Variants in TANC2 observed in about 807,000 individuals in gnomAD.
TANC2 encodes the protein tetratricopeptide repeat, ankyrin repeat and coiled-coil containing 2.
Under a neutral mutation model 210.5 loss-of-function variants are expected in TANC2, and 26 were observed. The observed-to-expected ratio is 0.12, with a 90% confidence interval of 0.09 to 0.17. The LOEUF (loss-of-function observed/expected upper bound fraction) is 0.17. TANC2 is among the 10% of genes least tolerant of loss of function. The probability of loss-of-function intolerance (pLI) is 1.00; values close to 1 mark genes in which losing one functional copy is unlikely to be tolerated. For missense variants in TANC2, 2,129 were observed against 2,608.9 expected, an observed-to-expected ratio of 0.82 and a Z score of 4.01; for synonymous variants, 931 against 967.1, an observed-to-expected ratio of 0.96 and a Z score of 0.69.
intron 14 of TANC2, among the ~76,000 whole-genome samples, chr17:63,358,140 G>A (rs372178689): frequency 6.6e-6 from 1 of 152,208 alleles, no homozygotes; most frequent in African/African-American, 2.4e-5. Flanking sequence ...AAAAGAGTCA[G>A]TAATCTGAGA....
chr17:63,208,231 A>C (rs1055892442), intron 7 of TANC2, among the ~76,000 whole-genome samples: 2 of 152,204 alleles, frequency 1.3e-5, no homozygotes, highest in African/African-American at 4.8e-5. Context: ...TTGGTACAAG[A>C]GTACAAATTT....
chr17:63,214,331 T>G (rs972863086), intron 7 of TANC2, among the ~76,000 whole-genome samples: 2 of 152,150 alleles, frequency 1.3e-5, no homozygotes, highest in Non-Finnish European at 2.9e-5. Context: ...AATCCCTCAG[T>G]CTGAAGCCAG....
exon 26 of TANC2, chr17:63,415,556 G>A (rs897727078): frequency 8.7e-6 from 14 of 1,613,764 alleles, no homozygotes; most frequent in Middle Eastern, 1.6e-4. Flanking sequence ...GCTGCCCAGC[G>A]CTACCAGTAC....
At chr17:63,287,777 C>A in intron 9 of TANC2, among the ~76,000 whole-genome samples, 1 of 151,872 alleles carries the variant, frequency 6.6e-6, no homozygotes, top group East Asian at 1.9e-4. Flanking sequence ...CTAGTCTCAG[C>A]AATTCTCCTG....
At chr17:63,363,181 C>T (rs950684114) in intron 14 of TANC2, among the ~76,000 whole-genome samples, 2 of 152,178 alleles carry the variant, frequency 1.3e-5, no homozygotes, top group Admixed American at 1.3e-4. Flanking sequence ...CTATTCAGAT[C>T]TTTTGCCCAT....
At chr17:63,028,228 A>G (rs968908910) in intron 2 of TANC2, among the ~76,000 whole-genome samples, 1 of 152,158 alleles carries the variant, frequency 6.6e-6, no homozygotes, top group East Asian at 1.9e-4. Context: ...TTGAAGGAAC[A>G]AGTAACATTG....
intron 4 of TANC2, among the ~76,000 whole-genome samples, chr17:63,107,225 AT>A (rs1263861783): frequency 6.6e-6 from 1 of 151,726 alleles, no homozygotes; most frequent in Non-Finnish European, 1.5e-5. Flanking sequence ...AGACAAAGTT[AT>A]CAGAATGTAT....
chr17:63,217,974 T>C (rs535705245), intron 7 of TANC2, among the ~76,000 whole-genome samples: 1 of 151,938 alleles, frequency 6.6e-6, no homozygotes, highest in South Asian at 2.1e-4. Context: ...TGTATGATCA[T>C]CTGATAAATA....
intron 2 of TANC2, among the ~76,000 whole-genome samples, chr17:63,045,339 G>C (rs1178749055): frequency 2.0e-5 from 3 of 152,162 alleles, no homozygotes; most frequent in African/African-American, 7.2e-5. Flanking sequence ...TCTTCTGTCA[G>C]TCTGTACACT....
chr17:63,404,314 G>A (rs989490217), intron 19 of TANC2, among the ~76,000 whole-genome samples: 8 of 152,210 alleles, frequency 5.3e-5, no homozygotes, highest in Middle Eastern at 3.4e-3. Context: ...CTGTTGAAAC[G>A]ACACTCTGAG....
chr17:63,340,455 C>T, intron 12 of TANC2, 123 bp downstream of exon 12: 2 of 781,212 alleles, frequency 2.6e-6, no homozygotes, highest in South Asian at 3.7e-5. Context: ...AGCTGGATAT[C>T]CTGTAGGATA....
intron 6 of TANC2, among the ~76,000 whole-genome samples, chr17:63,200,317 T>C (rs2041484488): frequency 1.5e-5 from 2 of 133,876 alleles, no homozygotes; most frequent in African/African-American, 6.6e-5. Flanking sequence ...ATTGTGCCAT[T>C]GCACTCCAGC....
intron 1 of TANC2, among the ~76,000 whole-genome samples, chr17:62,992,174 A>G (rs935233614): frequency 1.3e-5 from 2 of 152,302 alleles, no homozygotes; most frequent in East Asian, 3.9e-4. Flanking sequence ...TTTGGTATCC[A>G]TAGGGTGAGT....
At chr17:63,317,339 A>G (rs1273682610) in intron 10 of TANC2, among the ~76,000 whole-genome samples, 2 of 139,302 alleles carry the variant, frequency 1.4e-5, no homozygotes, top group African/African-American at 5.4e-5. Flanking sequence ...TTCCCTGGAA[A>G]GGTATAGAAA....
intron 1 of TANC2, among the ~76,000 whole-genome samples, chr17:62,983,939 G>A (rs574470850): frequency 9.2e-5 from 14 of 151,690 alleles, no homozygotes; most frequent in Non-Finnish European, 1.6e-4. Flanking sequence ...TTTTTTTGTT[G>A]TGTCTTTGTC....
chr17:63,294,077 T>A (rs1341424371), intron 9 of TANC2, among the ~76,000 whole-genome samples: 1 of 152,214 alleles, frequency 6.6e-6, no homozygotes, highest in Non-Finnish European at 1.5e-5. Context: ...TTATTGATGA[T>A]CTCACAGAAA....
At chr17:63,217,985 C>CAA (rs371382046) in intron 7 of TANC2, among the ~76,000 whole-genome samples, 2 of 144,718 alleles carry the variant, frequency 1.4e-5, no homozygotes, top group African/African-American at 5.0e-5. Context: ...CTGATAAATA[C>CAA]AAAAAAAAAA....
At chr17:63,370,739 C>G (rs970490524) in intron 14 of TANC2, among the ~76,000 whole-genome samples, 1 of 152,244 alleles carries the variant, frequency 6.6e-6, no homozygotes, top group Non-Finnish European at 1.5e-5. Flanking sequence ...CTTTCACACA[C>G]TGCTTCCCAG....
intron 14 of TANC2, among the ~76,000 whole-genome samples, chr17:63,359,495 G>A (rs1261722069): frequency 6.6e-6 from 1 of 151,868 alleles, no homozygotes; most frequent in Non-Finnish European, 1.5e-5. Flanking sequence ...ACAGGTACCT[G>A]CTACCTTGCC....
Sources: allele counts gnomAD v4.1 joint callset (sites outside exome capture counted in the v4.1 genomes callset), GRCh38; gene constraint gnomAD v4.1.1; transcripts MANE v1.5; gene names NCBI Gene and HGNC (gene_info 2026-07-23, HGNC 2026-07-21).